The following PCLO variants were observed in gnomAD, a reference collection of about 807,000 sequenced individuals.
The protein encoded by PCLO is piccolo presynaptic cytomatrix protein, also known as protein piccolo.
In PCLO, 82 loss-of-function variants were observed where a neutral mutation model predicts 427.5. That is an observed-to-expected ratio of 0.19 (90% CI 0.16 to 0.23). The LOEUF is 0.23. Among genes scored for constraint, PCLO ranks in the 10% least tolerant of loss-of-function variants. PCLO has a pLI of 1.00. For missense variants in PCLO, 6,239 were observed against 6,115.9 expected (o/e 1.02, Z -0.67); for synonymous variants, 2,357 against 2,155.4 (o/e 1.09, Z -2.59).
At chr7:82,977,299 G>T (rs1213796809) in intron 3 of PCLO, among the ~76,000 whole-genome samples, 1 of 150,688 alleles carries the variant, frequency 6.6e-6, no homozygotes, top group Non-Finnish European at 1.5e-5. Context: ...GTATATTTTT[G>T]AACAATATAT....
intron 15 of PCLO, among the ~76,000 whole-genome samples, 190 bp downstream of exon 15, chr7:82,838,028 C>T (rs1186696475): frequency 6.6e-6 from 1 of 151,868 alleles, no homozygotes; most frequent in Non-Finnish European, 1.5e-5. Context: ...CTTCTACAAC[C>T]CTGTAAGGCT....
chr7:82,934,872 TATG>T (rs1794915164), intron 6 of PCLO, among the ~76,000 whole-genome samples: 1 of 151,676 alleles, frequency 6.6e-6, no homozygotes, highest in East Asian at 1.9e-4. Flanking sequence ...TGGTAGATAT[TATG>T]ATAAATGGCT....
intron 3 of PCLO, among the ~76,000 whole-genome samples, chr7:83,093,492 A>ATATATATATATATATATTTT: frequency 1.7e-5 from 1 of 59,308 alleles, no homozygotes; most frequent in Non-Finnish European, 3.3e-5. Flanking sequence ...ATATATATAT[A>ATATATATATATATATATTTT]TTTTTTTTTT....
At chr7:82,828,916 C>T (rs184646483) in intron 16 of PCLO, among the ~76,000 whole-genome samples, 19 of 152,120 alleles carry the variant, frequency 1.2e-4, no homozygotes, top group Non-Finnish European at 2.4e-4. Context: ...ACCTCTCTGT[C>T]TGGGGGTCTT....
intron 6 of PCLO, among the ~76,000 whole-genome samples, chr7:82,919,033 A>G (rs1181308994): frequency 2.6e-5 from 4 of 151,954 alleles, no homozygotes; most frequent in Non-Finnish European, 4.4e-5. Context: ...GCACATTACA[A>G]ATAGTTATAT....
intron 19 of PCLO, 32 bp downstream of exon 19, chr7:82,824,204 A>C: frequency 1.3e-6 from 2 of 1,502,706 alleles, no homozygotes; most frequent in Non-Finnish European, 1.8e-6. Context: ...AATAGACACA[A>C]AACTTTTTCT....
intron 22 of PCLO, among the ~76,000 whole-genome samples, chr7:82,790,466 G>T (rs115751224): frequency 0.011 from 1,670 of 152,170 alleles, 33 homozygotes; most frequent in African/African-American, 0.038. Flanking sequence ...CCCCATATTG[G>T]AATCCTTGCC....
chr7:83,013,085 CATATACAT>C (rs1226761315), intron 3 of PCLO, among the ~76,000 whole-genome samples: 2 of 152,038 alleles, frequency 1.3e-5, no homozygotes, highest in East Asian at 1.9e-4. Context: ...TTCCTAAGAT[CATATACAT>C]ATATACATAT....
chr7:82,965,993 A>C lies in PCLO; in HGVS notation c.3795T>G (p.Leu1265=), dbSNP rs1215603874. The part of the protein sequence containing the change: ...SAPEEQKHDL[L]KSQVQIAEEK... ...CTTCAGCAATTTGTACTTGAGATTT[A>C]AGTAAGTCATGTTTCTGTTCTTCTG... The change falls in exon 4 of 25, where the codon CTT becomes CTG. Residue 1265 remains leucine (L), a synonymous_variant. Coordinates refer to ENST00000333891, the MANE Select transcript of PCLO (RefSeq NM_033026.6). 6.2e-7 allele frequency: 1 copy of C among 1,613,720 alleles called. No homozygotes were observed. The highest frequency in any genetic ancestry group is 8.5e-7 in the Non-Finnish European group (1 of 1,179,838).
In PCLO at chr7:83,155,725, T is replaced by G; in HGVS notation, c.916A>C (p.Ile306Leu). ...PSLPSPSKPP[I>L]QQPTPGKPPA... ...GGTTTTCCAGGAGTTGGTTGCTGAA[T>G]AGGTGGTTTGGATGGGCTTGGCAGT... is the stretch of plus-strand genomic sequence containing the variant. Residue 306 changes from isoleucine to leucine, a missense_variant, in exon 2 of 25, where the codon ATT (isoleucine) becomes CTT (leucine). Physicochemically the swap from Ile to Leu is conservative, Grantham distance 5. This residue lies in a region of PCLO where 4,677 missense variants were observed against 4,468.4 expected (regional missense o/e 1.05). Transcript: ENST00000333891. The G allele has an allele frequency of 6.2e-7, 1 of 1,613,960 alleles. No individual in the cohort carries two copies. Among genetic ancestry groups the G allele is most frequent in the East Asian group, 2.2e-5 (1 of 44,856 alleles).
At chr7:83,106,818 A>G (rs1790869242) in intron 3 of PCLO, among the ~76,000 whole-genome samples, 1 of 152,170 alleles carries the variant, frequency 6.6e-6, no homozygotes. Flanking sequence ...AATAAGTATT[A>G]ATATAAGGTA....
intron 8 of PCLO, among the ~76,000 whole-genome samples, chr7:82,905,392 G>C (rs1794162445): frequency 6.6e-6 from 1 of 151,968 alleles, no homozygotes; most frequent in African/African-American, 2.4e-5. Context: ...TATTCATACA[G>C]ACATCCCTTC....
At chr7:83,136,560 G>T (rs1791735638) in intron 2 of PCLO, among the ~76,000 whole-genome samples, 1 of 152,086 alleles carries the variant, frequency 6.6e-6, no homozygotes, top group South Asian at 2.1e-4. Flanking sequence ...TGTTAACAAT[G>T]CTGAGTTAGA....
intron 18 of PCLO, among the ~76,000 whole-genome samples, chr7:82,825,650 T>C (rs909747245): frequency 6.7e-6 from 1 of 148,184 alleles, no homozygotes; most frequent in East Asian, 2.0e-4. Context: ...ATAATATGTA[T>C]AGTATATATA....
intron 3 of PCLO, among the ~76,000 whole-genome samples, chr7:83,091,676 A>T (rs992880144): frequency 7.9e-5 from 12 of 152,158 alleles, no homozygotes; most frequent in Admixed American, 3.3e-4. Flanking sequence ...ACATTTGCTT[A>T]TAATAAATGT....
chr7:82,903,955 C>T (rs955586531), intron 8 of PCLO, among the ~76,000 whole-genome samples: 10 of 151,798 alleles, frequency 6.6e-5, no homozygotes, highest in African/African-American at 2.4e-4. Flanking sequence ...AAAACTGAAG[C>T]TAAAATTACA....
intron 8 of PCLO, among the ~76,000 whole-genome samples, chr7:82,906,499 A>G (rs1290650702): frequency 6.6e-6 from 1 of 152,080 alleles, no homozygotes; most frequent in Non-Finnish European, 1.5e-5. Flanking sequence ...ATTAATGCAA[A>G]AAGCATGAAT....
At position 83,135,486 on chromosome 7, in the gene PCLO, A is replaced by G. The variant is rs1263288046; in HGVS notation, c.2064T>C (p.Ala688=). The change falls in exon 3 of 25, where the codon GCT becomes GCC. Residue 688 remains alanine, a synonymous_variant. Transcript: ENST00000333891. ...QPQQTSPKKD[A]APKQDLSKAP... is the part of the protein sequence containing the mutation. ...CCTTGGAGAGATCCTGTTTTGGTGC[A>G]GCATCCTTCTTTGGGGAAGTCTGCT... 2.5e-6 allele frequency: 4 copies of G among 1,613,682 alleles called. No homozygotes were observed. The South Asian group carries it at 3.3e-5, about 13-fold the overall frequency.
At chr7:82,761,107 T>C (rs2129467554) in intron 23 of PCLO, among the ~76,000 whole-genome samples, 1 of 151,724 alleles carries the variant, frequency 6.6e-6, no homozygotes, top group Non-Finnish European at 1.5e-5. Flanking sequence ...CGACCACACC[T>C]AACTGATATA....
Sources: allele counts gnomAD v4.1 joint callset (sites outside exome capture counted in the v4.1 genomes callset), GRCh38; gene constraint gnomAD v4.1.1; regional missense constraint gnomAD v4.1.1; transcripts MANE v1.5; gene names NCBI Gene and HGNC (gene_info 2026-07-23, HGNC 2026-07-21).